The following DOCK10 variants were observed in gnomAD, a reference collection of about 807,000 sequenced individuals.
The protein encoded by DOCK10 is dedicator of cytokinesis protein 10.
Under a neutral mutation model 280.1 loss-of-function variants are expected in DOCK10, and 145 were observed. That is an observed-to-expected ratio of 0.52 (90% confidence interval 0.45 to 0.59). The LOEUF is 0.59. Ranked by LOEUF, DOCK10 falls within the 20% of genes least tolerant of loss-of-function variation. The probability of loss-of-function intolerance (pLI) is 0.00; values close to 1 mark genes in which losing one functional copy is unlikely to be tolerated. For synonymous variants in DOCK10, 915 were observed against 942.2 expected (o/e 0.97, Z 0.53); for missense variants, 2,368 against 2,651.7 (o/e 0.89, Z 2.35).
At chr2:224,802,890 T>C (rs1404345855) in intron 39 of DOCK10, among the ~76,000 whole-genome samples, 1 of 152,166 alleles carries the variant, frequency 6.6e-6, no homozygotes, top group East Asian at 1.9e-4. Flanking sequence ...TCTCCCACTT[T>C]TCAAGGCTGT....
rs1477009311 is a variant in DOCK10 at position 224,786,613 on chromosome 2, A to G, written c.5655+409T>C. On this transcript the variant is annotated intron_variant, in intron 50 of 55. Coordinates refer to ENST00000258390, the MANE Select transcript of DOCK10 (RefSeq NM_014689.3). This position sits in a 1 kb window ranked among gnomAD's most constrained non-coding sequence, Gnocchi z 4.7. ...GTGTGATAGTAAAATCAAAGGTTTGATATGGTGGAGCCCCTAGGAATTCTC... is the reference window on the plus strand; with the variant it reads ...GTGTGATAGTAAAATCAAAGGTTTGGTATGGTGGAGCCCCTAGGAATTCTC... Among the ~76,000 whole-genome samples the G allele has an allele frequency of 6.6e-6, 1 of 152,264 alleles. No individual in the cohort carries two copies. Among genetic ancestry groups the G allele is most frequent in the East Asian group, 1.9e-4 (1 of 5,198 alleles).
At chr2:225,012,818 AAAG>A (rs1339239376) in intron 1 of DOCK10, among the ~76,000 whole-genome samples, 1 of 152,240 alleles carries the variant, frequency 6.6e-6, no homozygotes, top group African/African-American at 2.4e-5. Context: ...TTTGTACAAA[AAAG>A]AAAATTAAAG....
intron 4 of DOCK10, among the ~76,000 whole-genome samples, chr2:224,886,901 G>A: frequency 7.8e-6 from 1 of 127,430 alleles, no homozygotes; most frequent in Admixed American, 7.2e-5. Context: ...CCCCCAAGTA[G>A]TACCTGGGAT....
chr2:224,805,365 C>G lies in DOCK10; in HGVS notation c.3936+43G>C. 6.2e-7 allele frequency: 1 copy of G among 1,612,712 alleles called. No homozygotes were observed. Among genetic ancestry groups the G allele is most frequent in the South Asian group, 1.1e-5 (1 of 91,042 alleles). On this transcript the variant is annotated intron_variant, in intron 35 of 55. Coordinates refer to ENST00000258390, the MANE Select transcript of DOCK10 (RefSeq NM_014689.3). The surrounding 1 kb of genome is among the most constrained non-coding windows in gnomAD (Gnocchi z 4.3). Reference sequence around the variant, plus strand: ...TCAGGATTGAGTGAGAGTGAGTGACCTCTGCCTTGTAATGATCAGTAGGTT... The same window carrying G: ...TCAGGATTGAGTGAGAGTGAGTGACGTCTGCCTTGTAATGATCAGTAGGTT...
intron 11 of DOCK10, 89 bp downstream of exon 11, chr2:224,873,907 C>T: frequency 7.4e-7 from 1 of 1,353,080 alleles, no homozygotes; most frequent in Non-Finnish European, 1.0e-6. Flanking sequence ...GAAATCAGTG[C>T]CTGGAATTAG....
intron 3 of DOCK10, among the ~76,000 whole-genome samples, chr2:224,908,998 A>G (rs1700842540): frequency 6.6e-6 from 1 of 152,200 alleles, no homozygotes; most frequent in Non-Finnish European, 1.5e-5. Context: ...TCAGCCATTC[A>G]GCTGAAGTGG....
At chr2:224,817,056 G>A (rs1559479149) in intron 29 of DOCK10, among the ~76,000 whole-genome samples, 1 of 152,134 alleles carries the variant, frequency 6.6e-6, no homozygotes, top group Non-Finnish European at 1.5e-5. Flanking sequence ...TGTAACACAT[G>A]CACAGAATTC....
At chr2:224,772,737 G>C (rs753051570) in intron 53 of DOCK10, among the ~76,000 whole-genome samples, 3 of 152,206 alleles carry the variant, frequency 2.0e-5, no homozygotes, top group Non-Finnish European at 4.4e-5. Context: ...AACTCTGCCA[G>C]ACAGATAAAC....
chr2:224,869,823 C>T (rs1452366783), intron 11 of DOCK10, among the ~76,000 whole-genome samples: 2 of 152,144 alleles, frequency 1.3e-5, no homozygotes, highest in African/African-American at 2.4e-5. Context: ...GAAAGGAATT[C>T]ACGTGGAAGG....
chr2:224,802,063 G>A lies in DOCK10; in HGVS notation c.4269-23C>T, dbSNP rs776244799. The stretch of plus-strand genomic sequence containing the variant: ...ATCCTGAAAACAAAAAAAGAAAAGT[G>A]GTTAGAGTTATTTGGGGATGTTATA... On this transcript the variant is annotated intron_variant, in intron 39 of 55. Coordinates refer to ENST00000258390, the MANE Select transcript of DOCK10 (RefSeq NM_014689.3). 1.3e-5 allele frequency: 21 copies of A among 1,608,650 alleles called. No homozygotes were observed. The South Asian group carries it at 1.4e-4, about 11-fold the overall frequency.
chr2:224,860,778 T>G (rs1027350154), intron 14 of DOCK10: 2 of 152,238 alleles, frequency 1.3e-5, no homozygotes, highest in Non-Finnish European at 2.9e-5. Flanking sequence ...GGTCTCACTA[T>G]GTTGCCCAGG....
Position 224,959,995 on chromosome 2 carries a change from G to A in DOCK10, c.124-28327C>T, listed in dbSNP as rs12466335. On this transcript the variant is annotated intron_variant, in intron 1 of 55. Coordinates refer to ENST00000258390, the MANE Select transcript of DOCK10 (RefSeq NM_014689.3). ...AATTGTACCTTGATTTTCCTATGGG[G>A]AACACCTCCTCTATCCCCTCACCTT... Among the ~76,000 whole-genome samples the A allele has an allele frequency of 4.5e-3, 688 of 152,212 alleles. 1 individual carries two copies. Among genetic ancestry groups the A allele is most frequent in the Non-Finnish European group, 7.2e-3 (492 of 68,018 alleles).
At chr2:224,816,051 C>T (rs556551737) in intron 30 of DOCK10, among the ~76,000 whole-genome samples, 42 of 151,788 alleles carry the variant, frequency 2.8e-4, no homozygotes, top group African/African-American at 9.9e-4. Flanking sequence ...AAACAACCCC[C>T]TCCCCCGCAA....
intron 2 of DOCK10, among the ~76,000 whole-genome samples, chr2:224,930,571 G>GAAAAAAAAAA (rs5839080): frequency 6.8e-6 from 1 of 146,948 alleles, no homozygotes. Flanking sequence ...GGAGGAAGGT[G>GAAAAAAAAAA]AAAAAAAAAA....
chr2:224,869,976 C>T (rs1420533663), intron 11 of DOCK10, among the ~76,000 whole-genome samples: 2 of 152,118 alleles, frequency 1.3e-5, no homozygotes, highest in Admixed American at 1.3e-4. Context: ...AGTGACATTA[C>T]CATTTGAGGT....
chr2:224,822,335 T>G (rs971846530), intron 28 of DOCK10, among the ~76,000 whole-genome samples: 3 of 152,238 alleles, frequency 2.0e-5, no homozygotes, highest in African/African-American at 7.2e-5. Context: ...TGTAACCCAA[T>G]GAAATATAAC....
In DOCK10 at chr2:224,787,044, T is replaced by C; in HGVS notation, c.5633A>G (p.Tyr1878Cys). 1.2e-6 allele frequency: 2 copies of C among 1,613,866 alleles called. No homozygotes were observed. The highest frequency in any genetic ancestry group is 1.7e-6 in the Non-Finnish European group (2 of 1,179,774). Residue 1878 changes from tyrosine to cysteine, a missense_variant, in exon 50 of 56, where the codon TAT becomes TGT. Transcript: ENST00000258390. ...NSEKRLFGRY[Y>C]RVAFYGQGFF... ...TACCTGCCCATAAAATGCCACACGATAGTAGCGACCAAACAGCCGCTTCTC... is the reference window on the plus strand; with the variant it reads ...TACCTGCCCATAAAATGCCACACGACAGTAGCGACCAAACAGCCGCTTCTC...
chr2:224,899,857 G>T lies in DOCK10; in HGVS notation c.334-3480C>A, dbSNP rs943249791. 8.5e-5 allele frequency among the ~76,000 whole-genome samples: 13 copies of T among 152,288 alleles called. No individual in the cohort carries two copies. The East Asian group carries it at 1.3e-3, about 16-fold the overall frequency. ...CCAAACCAGTGTATATTCTAAGTTA[G>T]CAAAATGAAAATAGAGGGTACAGCC... On this transcript the variant is annotated intron_variant, in intron 3 of 55. Transcript: ENST00000258390.
In DOCK10 at chr2:224,864,988, G is replaced by T; in HGVS notation, c.1357C>A (p.Gln453Lys). The T allele has an allele frequency of 1.9e-6, 3 of 1,613,946 alleles. No homozygotes were observed. The highest frequency in any genetic ancestry group is 2.5e-6 in the Non-Finnish European group (3 of 1,179,882). Residue 453 changes from glutamine to lysine, a missense_variant, in exon 12 of 56, where the codon CAG (glutamine) becomes AAG (lysine). This residue lies in a region of DOCK10 where 1,209 missense variants were observed against 1,250.9 expected (regional missense o/e 0.97). Coordinates refer to ENST00000258390, the MANE Select transcript of DOCK10 (RefSeq NM_014689.3). ...GCCACAGAAGCCCCCAAGAGCATCTGTCTGACAGCAGCATGGTTTAGATCC... is the reference window on the plus strand; with the variant it reads ...GCCACAGAAGCCCCCAAGAGCATCTTTCTGACAGCAGCATGGTTTAGATCC... ...HVDLNHAAVRQMLLGASVALE... is the reference protein window; with the variant it reads ...HVDLNHAAVRKMLLGASVALE...
Sources: gnomAD v4.1 joint callset for allele counts (sites outside exome capture counted in the v4.1 genomes callset) on GRCh38, gnomAD v4.1.1 for gene constraint, gnomAD v4.1.1 regional missense constraint, Gnocchi (gnomAD v3.1) non-coding constraint, MANE v1.5 for transcripts, NCBI Gene and HGNC (gene_info 2026-07-23, HGNC 2026-07-21) for gene names.